SPON2: variants seen among roughly 807,000 people sequenced by gnomAD.
SPON2 encodes the protein spondin 2.
In SPON2, 32 loss-of-function variants were observed where a neutral mutation model predicts 29.9. The observed-to-expected ratio is 1.07, with a 90% CI of 0.81 to 1.44. SPON2 has a LOEUF of 1.44. SPON2 is among the 40% of genes most tolerant of loss of function. The probability of loss-of-function intolerance (pLI) is 0.00; values close to 1 mark genes in which losing one functional copy is unlikely to be tolerated. For synonymous variants in SPON2, 248 were observed against 209.1 expected (o/e 1.19, Z -1.61); for missense variants, 541 against 455.5 (o/e 1.19, Z -1.71).
At position 1,171,248 on chromosome 4, in the gene SPON2, C is replaced by G; in HGVS notation, c.444+15G>C. 7.0e-7 allele frequency: 1 copy of G among 1,433,626 alleles called. No homozygotes were observed. Among genetic ancestry groups the G allele is most frequent in the Non-Finnish European group, 9.1e-7 (1 of 1,104,166 alleles). The allele number at this position is 1,433,626 out of a possible 1,614,324, so 88.8% of individuals were successfully genotyped here. On this transcript the variant is annotated intron_variant, in intron 3 of 5. Coordinates refer to ENST00000290902, the MANE Select transcript of SPON2 (RefSeq NM_012445.4). ...CGGCCCCCCGGACCCCGCCCCCGGC[C>G]GGCCCCGCGCTCACCAGCGAGTGCC...
intron 5 of SPON2, chr4:1,167,871 T>C (rs544603606): frequency 2.4e-4 from 114 of 475,152 alleles, no homozygotes; most frequent in African/African-American, 2.0e-3. Flanking sequence ...GTTGCGCGTT[T>C]CTACGTAAGA....
upstream of SPON2, among the ~76,000 whole-genome samples, chr4:1,196,608 C>T (rs569182407): frequency 7.9e-5 from 12 of 152,330 alleles, no homozygotes; most frequent in South Asian, 2.5e-3. Flanking sequence ...GCTGTCTCCT[C>T]TCCTGCAGAA....
chr4:1,206,939 CA>C (rs1728355987), intron 1 of SPON2, among the ~76,000 whole-genome samples: 1 of 113,298 alleles, frequency 8.8e-6, no homozygotes, highest in African/African-American at 3.5e-5. Flanking sequence ...GGAGAAGAGG[CA>C]GTGGGGGCAG....
At chr4:1,200,838 C>G (rs1291697877) in intron 1 of SPON2, 1 of 456,274 alleles carries the variant, frequency 2.2e-6, no homozygotes, top group Non-Finnish European at 4.4e-6. Context: ...GAGGTGGGGC[C>G]AAGTCTGCAG....
chr4:1,192,706 G>C (rs11247978), intron 1 of SPON2, among the ~76,000 whole-genome samples: 54,795 of 152,092 alleles, frequency 0.36, 11,279 homozygotes, highest in Non-Finnish European at 0.46. Flanking sequence ...AGGAAGGCTT[G>C]GGGGGTACGG....
chr4:1,167,380 CT>C lies in SPON2; in HGVS notation c.*91del. On this transcript the variant is annotated 3_prime_UTR_variant, in exon 6 of 6. Coordinates refer to ENST00000290902, the MANE Select transcript of SPON2 (RefSeq NM_012445.4). ...GCGGTCAGGAGCAGCGCGAAACCCCCTGTGCCCTCGGCCGCCTGCAGCATGA... is the reference window on the plus strand; with the variant it reads ...GCGGTCAGGAGCAGCGCGAAACCCCCGTGCCCTCGGCCGCCTGCAGCATGA... 4 of 1,358,214 alleles carry C rather than the reference CT, an allele frequency of 2.9e-6. No homozygotes were observed. The highest frequency in any genetic ancestry group is 1.4e-5 in the South Asian group (1 of 72,506). 84.1% of individuals were successfully genotyped at this position (1,358,214 alleles called of 1,614,324 possible). A position where few individuals can be genotyped will look rare whatever the true frequency, so the allele number is the denominator to read the frequency against.
chr4:1,197,484 A>G (rs963173322), upstream of SPON2, among the ~76,000 whole-genome samples: 1 of 152,190 alleles, frequency 6.6e-6, no homozygotes, highest in Non-Finnish European at 1.5e-5. Flanking sequence ...ATAAATATCA[A>G]TCCATAAATA....
intron 1 of SPON2, among the ~76,000 whole-genome samples, chr4:1,192,596 G>A (rs1393517375): frequency 6.6e-6 from 1 of 151,906 alleles, no homozygotes; most frequent in East Asian, 1.9e-4. Flanking sequence ...GAGCAGCAGA[G>A]GGTGGCTCAG....
chr4:1,196,204 C>G (rs1006406089), upstream of SPON2, among the ~76,000 whole-genome samples: 6 of 152,218 alleles, frequency 3.9e-5, no homozygotes, highest in African/African-American at 1.2e-4. Flanking sequence ...TTTAACGTCT[C>G]TTACTGGGCA....
At chr4:1,197,909 A>G (rs1201589888), upstream of SPON2, among the ~76,000 whole-genome samples, 1 of 152,098 alleles carries the variant, frequency 6.6e-6, no homozygotes, top group African/African-American at 2.4e-5. Context: ...TTAGCCGGGC[A>G]TGGTGGTGCG....
intron 1 of SPON2, among the ~76,000 whole-genome samples, chr4:1,191,334 A>G (rs1266400180): frequency 6.6e-6 from 1 of 152,238 alleles, no homozygotes; most frequent in Non-Finnish European, 1.5e-5. Context: ...TGGTTTCAAC[A>G]AGGGTGCCAA....
At chr4:1,200,842 T>C (rs56401136) in intron 1 of SPON2, 175,169 of 456,272 alleles carry the variant, frequency 0.38, 34,615 homozygotes, top group East Asian at 0.61. Context: ...TGGGGCCAAG[T>C]CTGCAGTGTC....
At chr4:1,203,607 G>T (rs764358871) in intron 1 of SPON2, among the ~76,000 whole-genome samples, 3 of 152,090 alleles carry the variant, frequency 2.0e-5, no homozygotes, top group African/African-American at 7.2e-5. Flanking sequence ...TCTGATTCTC[G>T]GGGACGTGTA....
Position 1,171,486 on chromosome 4 carries a change from C to G in SPON2, c.221G>C (p.Gly74Ala). ...RPPAQWSSLL[G>A]AAHSSDYSMW... ...GCTGTAGTCGGAGCTATGCGCGGCC[C>G]CTGCAGGACCACCCGGCCGCGCCGC... The change falls in exon 3 of 6, where the codon GGG becomes GCG. Residue 74 changes from glycine to alanine, a missense_variant and splice_region_variant. Gly to Ala is a moderately conservative substitution (Grantham distance 60). Transcript: ENST00000290902. 1 of 1,607,332 alleles carries G rather than the reference C, an allele frequency of 6.2e-7. No homozygotes were observed. The highest frequency in any genetic ancestry group is 8.5e-7 in the Non-Finnish European group (1 of 1,176,020).
Position 1,204,073 on chromosome 4 carries a change from C to T in SPON2, c.-234+3807G>A, listed in dbSNP as rs531678966. 2.8e-3 allele frequency among the ~76,000 whole-genome samples: 430 copies of T among 152,282 alleles called. 1 individual carries two copies. The highest frequency in any genetic ancestry group is 4.1e-3 in the Non-Finnish European group (277 of 68,026). Reference sequence around the variant, plus strand: ...TTTTAGTAGAGATGTGGTTTCACCACGTTGGCCAGGCTGGTCTCAAACTCC... The same window carrying T: ...TTTTAGTAGAGATGTGGTTTCACCATGTTGGCCAGGCTGGTCTCAAACTCC... On this transcript the variant is annotated intron_variant, in intron 1 of 3. Coordinates refer to the SPON2 transcript ENST00000509233.
intron 1 of SPON2, among the ~76,000 whole-genome samples, chr4:1,203,128 G>A (rs367568535): frequency 3.9e-5 from 6 of 152,314 alleles, no homozygotes; most frequent in African/African-American, 7.2e-5. Flanking sequence ...CCAGCCTGCC[G>A]GCACCTGGAT....
upstream of SPON2, among the ~76,000 whole-genome samples, chr4:1,195,555 T>G (rs1049133560): frequency 6.6e-6 from 1 of 151,862 alleles, no homozygotes; most frequent in Non-Finnish European, 1.5e-5. Context: ...GCACCACATG[T>G]GGGTAGGCAC....
At chr4:1,187,103 C>G (rs1361411243) in intron 1 of SPON2, among the ~76,000 whole-genome samples, 1 of 152,134 alleles carries the variant, frequency 6.6e-6, no homozygotes. Context: ...TTATTCACAA[C>G]AGCTAAAATG....
Position 1,171,897 on chromosome 4 carries a change from G to C in SPON2, c.175C>G (p.Gln59Glu), listed in dbSNP as rs559042658. 6 of 1,612,988 alleles carry C rather than the reference G, an allele frequency of 3.7e-6. No individual in the cohort carries two copies. The African/African-American group carries it at 8.0e-5, about 21-fold the overall frequency. The change falls in exon 2 of 6, where the codon CAG becomes GAG. Residue 59 changes from glutamine to glutamate, a missense_variant. By Grantham distance (29) the Gln-to-Glu change is conservative (BLOSUM62 2). Coordinates refer to ENST00000290902, the MANE Select transcript of SPON2 (RefSeq NM_012445.4). Reference sequence around the variant, plus strand: ...GCAGGGGGGCGGAACAGGGGGTACTGCTTGGGGAAGGCCGTCTGGCTCCAC... The same window carrying C: ...GCAGGGGGGCGGAACAGGGGGTACTCCTTGGGGAAGGCCGTCTGGCTCCAC... ...GKWSQTAFPK[Q>E]YPLFRPPAQW...
Sources: gnomAD v4.1 joint callset for allele counts (sites outside exome capture counted in the v4.1 genomes callset) on GRCh38, gnomAD v4.1.1 for gene constraint, MANE v1.5 for transcripts, NCBI Gene and HGNC (gene_info 2026-07-23, HGNC 2026-07-21) for gene names.